The following SCFD1 variants were observed in gnomAD, a reference collection of about 807,000 sequenced individuals.
SCFD1 encodes sec1 family domain-containing protein 1.
SCFD1 carries 37 observed loss-of-function variants against 103.2 expected under a neutral mutation model. The observed-to-expected ratio is 0.36, with a 90% CI of 0.28 to 0.47. SCFD1 has a LOEUF of 0.47. SCFD1 is among the 20% of genes least tolerant of loss of function. SCFD1 has a pLI of 1.00. For missense variants in SCFD1, 639 were observed against 761.2 expected, an observed-to-expected ratio of 0.84 and a Z score of 1.89; for synonymous variants, 264 against 245.0, an observed-to-expected ratio of 1.08 and a Z score of -0.73.
chr14:30,641,316 C>G (rs537620193), intron 6 of SCFD1, among the ~76,000 whole-genome samples: 13 of 152,202 alleles, frequency 8.5e-5, no homozygotes, highest in Non-Finnish European at 2.9e-5. Context: ...TTATCTCAGT[C>G]AAACTAAGGC....
intron 14 of SCFD1, chr14:30,683,538 C>G (rs546717129): frequency 3.5e-6 from 1 of 289,384 alleles, no homozygotes; most frequent in South Asian, 3.2e-5. Flanking sequence ...CAGCTTGGCT[C>G]TGCTCCTTTG....
intron 15 of SCFD1, 49 bp downstream of exon 15, chr14:30,694,918 G>A: frequency 6.4e-7 from 1 of 1,552,462 alleles, no homozygotes; most frequent in Non-Finnish European, 8.6e-7. Context: ...TCTGACGAAA[G>A]CAGCATTTTC....
intron 23 of SCFD1, among the ~76,000 whole-genome samples, chr14:30,723,230 A>G (rs1418598432): frequency 2.6e-5 from 4 of 152,098 alleles, no homozygotes; most frequent in Non-Finnish European, 4.4e-5. Flanking sequence ...TTATGGTACA[A>G]TGAAGACAAA....
intron 1 of SCFD1, among the ~76,000 whole-genome samples, chr14:30,624,982 A>G (rs1318447819): frequency 2.6e-5 from 4 of 152,114 alleles, no homozygotes; most frequent in Admixed American, 1.3e-4. Flanking sequence ...GCTTTCCCCA[A>G]TTATTCTGTT....
intron 14 of SCFD1, among the ~76,000 whole-genome samples, chr14:30,682,481 C>T (rs540742444): frequency 2.6e-5 from 4 of 152,058 alleles, no homozygotes; most frequent in South Asian, 2.1e-4. Flanking sequence ...GCAAACCCAC[C>T]GGTATGAATT....
At chr14:30,635,045 G>A (rs1002644825) in intron 4 of SCFD1, 3 of 443,254 alleles carry the variant, frequency 6.8e-6, no homozygotes, top group Non-Finnish European at 1.3e-5. Flanking sequence ...GTAAGTAACA[G>A]TGTCTTCCAC....
At chr14:30,684,807 T>TTTC (rs1337841842) in intron 14 of SCFD1, among the ~76,000 whole-genome samples, 1 of 141,532 alleles carries the variant, frequency 7.1e-6, no homozygotes, top group Non-Finnish European at 1.5e-5. Flanking sequence ...TTGTTTCTTT[T>TTTC]TTTTTTTTTT....
At chr14:30,692,491 G>A (rs1359878538) in intron 14 of SCFD1, among the ~76,000 whole-genome samples, 1 of 152,190 alleles carries the variant, frequency 6.6e-6, no homozygotes, top group Non-Finnish European at 1.5e-5. Flanking sequence ...TTGTAGAAAA[G>A]CTACAGAGAA....
Position 30,636,264 on chromosome 14 carries a change from C to T in SCFD1, c.313-1861C>T, listed in dbSNP as rs140470853. Among the ~76,000 whole-genome samples, 816 of 150,904 alleles carry T rather than the reference C, an allele frequency of 5.4e-3. 5 individuals carry two copies. The highest frequency in any genetic ancestry group is 0.01 in the Middle Eastern group (3 of 294). On this transcript the variant is annotated intron_variant, in intron 4 of 24. Transcript: ENST00000458591. ...TTGATTTTGATGAAGCCCAGTTTATCGGTTTTTTTTTTTCTTGAGTTGCTT... is the reference window on the plus strand; with the variant it reads ...TTGATTTTGATGAAGCCCAGTTTATTGGTTTTTTTTTTTCTTGAGTTGCTT...
intron 11 of SCFD1, among the ~76,000 whole-genome samples, chr14:30,671,473 G>A (rs1286056536): frequency 6.6e-6 from 1 of 151,972 alleles, no homozygotes; most frequent in Non-Finnish European, 1.5e-5. Flanking sequence ...TTTGAAGTTG[G>A]CATTCCCTAA....
At chr14:30,639,066 T>C (rs1266873910) in intron 5 of SCFD1, among the ~76,000 whole-genome samples, 1 of 152,240 alleles carries the variant, frequency 6.6e-6, no homozygotes, top group Admixed American at 6.5e-5. Flanking sequence ...ACTTTTGTTT[T>C]CCTTCTTGTT....
At chr14:30,691,719 T>C (rs1470316333) in intron 14 of SCFD1, among the ~76,000 whole-genome samples, 1 of 152,176 alleles carries the variant, frequency 6.6e-6, no homozygotes, top group Admixed American at 6.5e-5. Context: ...TTTTGTCACC[T>C]CAAAAAGAAA....
At chr14:30,675,731 T>G (rs1008871443) in intron 14 of SCFD1, among the ~76,000 whole-genome samples, 11 of 152,188 alleles carry the variant, frequency 7.2e-5, no homozygotes, top group African/African-American at 2.7e-4. Flanking sequence ...CCTTTCCATT[T>G]TATATGATGC....
chr14:30,649,006 C>T (rs1291025613), intron 7 of SCFD1, among the ~76,000 whole-genome samples: 3 of 151,124 alleles, frequency 2.0e-5, no homozygotes, highest in African/African-American at 7.3e-5. Flanking sequence ...AGAAAAACTG[C>T]CCATAGGGGA....
chr14:30,727,079 G>T (rs1191385554), intron 23 of SCFD1, among the ~76,000 whole-genome samples: 3 of 152,056 alleles, frequency 2.0e-5, no homozygotes, highest in Non-Finnish European at 4.4e-5. Context: ...CTCAGCAAAA[G>T]ATCAGGGCTA....
chr14:30,731,298 T>C (rs1490119843), intron 23 of SCFD1, among the ~76,000 whole-genome samples: 2 of 152,228 alleles, frequency 1.3e-5, no homozygotes, highest in Admixed American at 6.5e-5. Flanking sequence ...GCCTCCAGCT[T>C]TGTTCTTTTT....
intron 23 of SCFD1, among the ~76,000 whole-genome samples, chr14:30,729,379 A>G (rs1427423906): frequency 6.6e-6 from 1 of 152,168 alleles, no homozygotes; most frequent in African/African-American, 2.4e-5. Flanking sequence ...ATAATTTTAA[A>G]ATATGGTATG....
At position 30,639,787 on chromosome 14, in the gene SCFD1, AAT is replaced by A; in HGVS notation, c.449_450del (p.Tyr150SerfsTer9). The A allele has an allele frequency of 6.3e-7, 1 of 1,575,530 alleles. No homozygotes were observed. The highest frequency in any genetic ancestry group is 8.6e-7 in the Non-Finnish European group (1 of 1,161,324). On this transcript the variant is annotated frameshift_variant, in exon 6 of 25. Transcript: ENST00000458591. LOFTEE classifies it high-confidence loss of function. ...TTCTTTTGTTTCTAGGTTTTTGACC[AAT>A]ATCTCAATTTTATTACTTTGGAAGA...
chr14:30,644,876 T>G (rs13379272), intron 7 of SCFD1, among the ~76,000 whole-genome samples: 3,660 of 152,306 alleles, frequency 0.024, 169 homozygotes, highest in African/African-American at 0.084. Context: ...TTCTGGTGGT[T>G]GTTTTTGGAG....
Sources: allele counts gnomAD v4.1 joint callset (sites outside exome capture counted in the v4.1 genomes callset), GRCh38; gene constraint gnomAD v4.1.1; transcripts MANE v1.5; gene names NCBI Gene and HGNC (gene_info 2026-07-23, HGNC 2026-07-21).